Variants in PTPN18 observed in about 807,000 individuals in gnomAD.
The protein encoded by PTPN18 is tyrosine-protein phosphatase non-receptor type 18.
PTPN18 carries 65 observed loss-of-function variants against 65.4 expected under a neutral mutation model. That is an observed-to-expected ratio of 0.99 (90% CI 0.81 to 1.22). PTPN18 has a LOEUF of 1.22. Ranked by LOEUF, PTPN18 falls within the 50% of genes most tolerant of loss-of-function variation. The probability of loss-of-function intolerance (pLI) is 0.00; values close to 1 mark genes in which losing one functional copy is unlikely to be tolerated. For synonymous variants in PTPN18, 255 were observed against 267.8 expected, an observed-to-expected ratio of 0.95 and a Z score of 0.47; for missense variants, 616 against 646.5, an observed-to-expected ratio of 0.95 and a Z score of 0.51.
chr2:130,373,125 C>T lies in PTPN18; in HGVS notation c.1316-32C>T, dbSNP rs373624125. On this transcript the variant is annotated intron_variant, in intron 14 of 14. Coordinates refer to ENST00000175756, the MANE Select transcript of PTPN18 (RefSeq NM_014369.4). The surrounding 1 kb of genome is among the most constrained non-coding windows in gnomAD (Gnocchi z 4.1). ...CCAGCTTCCACACACCTCAGCTTCT[C>T]CATGAGACCCACGGCACCCTTCTTC... is the stretch of plus-strand genomic sequence containing the variant. 8 of 1,556,668 alleles carry T rather than the reference C, an allele frequency of 5.1e-6. No homozygotes were observed. Among genetic ancestry groups the T allele is most frequent in the South Asian group, 1.2e-5 (1 of 82,942 alleles).
rs547741008 is a variant in PTPN18, at chr2:130,372,539, G to C, written c.1240+56G>C. On this transcript the variant is annotated intron_variant, in intron 13 of 14. Transcript: ENST00000175756. ...TCATCCTGCTGTGATCCGCAGGGCGGAACCATCCTGCAGTGGTCCGTCAGG... is the reference window on the plus strand; with the variant it reads ...TCATCCTGCTGTGATCCGCAGGGCGCAACCATCCTGCAGTGGTCCGTCAGG... 5.4e-4 allele frequency: 763 copies of C among 1,403,360 alleles called. 6 individuals carry two copies. In the African/African-American group the frequency reaches 9.2e-3, roughly 17 times the overall value. The allele number at this position is 1,403,360 out of a possible 1,614,324, so 86.9% of individuals were successfully genotyped here. A position where few individuals can be genotyped will look rare whatever the true frequency, so the allele number is the denominator to read the frequency against.
chr2:130,360,409 T>C lies in PTPN18; in HGVS notation c.414+763T>C, dbSNP rs1680154498. 3.3e-5 allele frequency among the ~76,000 whole-genome samples: 5 copies of C among 152,170 alleles called. No homozygotes were observed. The South Asian group carries it at 8.3e-4, about 25-fold the overall frequency. ...GGTTTCTACATTCTTGCCTACTCCA[T>C]GGATGGGGTAGGGGTTCCCTGGGGT... On this transcript the variant is annotated intron_variant, in intron 5 of 14. Coordinates refer to ENST00000175756, the MANE Select transcript of PTPN18 (RefSeq NM_014369.4).
chr2:130,367,991 C>T (rs1680440499), intron 5 of PTPN18, among the ~76,000 whole-genome samples: 1 of 151,806 alleles, frequency 6.6e-6, no homozygotes, highest in Admixed American at 6.6e-5. Context: ...GTTTTCATGT[C>T]TATTGATCCT....
intron 2 of PTPN18, 77 bp downstream of exon 2, chr2:130,359,052 T>TG: frequency 6.7e-7 from 1 of 1,496,910 alleles, no homozygotes; most frequent in Non-Finnish European, 9.2e-7. Context: ...TGCACTGGAG[T>TG]CACCCACTGT....
intron 11 of PTPN18, 109 bp downstream of exon 11, chr2:130,371,073 AC>A: frequency 7.3e-7 from 1 of 1,376,040 alleles, no homozygotes; most frequent in Non-Finnish European, 1.0e-6. Flanking sequence ...ACTGACTATG[AC>A]ATCCACCTGT....
intron 11 of PTPN18, 92 bp from the exon 12 acceptor site, chr2:130,371,107 C>T: frequency 7.2e-7 from 1 of 1,385,744 alleles, no homozygotes; most frequent in South Asian, 1.2e-5. Flanking sequence ...GCATCCTTAT[C>T]AGGCTCTCCC....
chr2:130,370,515 G>A, intron 8 of PTPN18, 42 bp from the exon 9 acceptor site: 2 of 1,609,716 alleles, frequency 1.2e-6, no homozygotes, highest in South Asian at 2.2e-5. Flanking sequence ...AAAAGGGGTT[G>A]TGGTCAGGAC....
intron 1 of PTPN18, among the ~76,000 whole-genome samples, chr2:130,357,753 G>A (rs959025070): frequency 2.0e-5 from 3 of 151,844 alleles, no homozygotes; most frequent in Admixed American, 6.6e-5. Flanking sequence ...CTACTCGGGT[G>A]GCTGAGGCAG....
rs958479470 is a variant in PTPN18, at chr2:130,375,348, A to G, written c.*2124A>G. Reference sequence around the variant, plus strand: ...GGAATAGGGGCATGGGAAAGTGACTAAAGATACTGTTCTGGCTGCTGTGTT... The same window carrying G: ...GGAATAGGGGCATGGGAAAGTGACTGAAGATACTGTTCTGGCTGCTGTGTT... On this transcript the variant is annotated 3_prime_UTR_variant, in exon 15 of 15. Transcript: ENST00000175756. 2.0e-5 allele frequency: 3 copies of G among 152,556 alleles called. No individual in the cohort carries two copies. Among genetic ancestry groups the G allele is most frequent in the Non-Finnish European group, 4.4e-5 (3 of 68,360 alleles). 9.5% of individuals were successfully genotyped at this position (152,556 alleles called of 1,614,324 possible).
chr2:130,360,776 G>T (rs1680167814), intron 5 of PTPN18, among the ~76,000 whole-genome samples: 1 of 151,802 alleles, frequency 6.6e-6, no homozygotes, highest in South Asian at 2.1e-4. Flanking sequence ...TTTTTTCAAA[G>T]AACCTGCTTT....
At position 130,371,287 on chromosome 2, in the gene PTPN18, G is replaced by A. The variant is rs1207755125; in HGVS notation, c.1013G>A (p.Arg338Lys). The A allele has an allele frequency of 1.9e-6, 3 of 1,585,820 alleles. No homozygotes were observed. Among genetic ancestry groups the A allele is most frequent in the Non-Finnish European group, 2.6e-6 (3 of 1,160,820 alleles). The change falls in exon 12 of 15, where the codon AGG (arginine) becomes AAG (lysine). Residue 338 changes from arginine to lysine, a missense_variant and splice_region_variant. This residue lies in a region of PTPN18 where 368 missense variants were observed against 386.7 expected (regional missense o/e 0.95). Transcript: ENST00000175756. ...AIPRPPGGVL[R>K]SISVPGSPGH... ...CCCCGCCCACCAGGAGGGGTCCTCA[G>A]GTACCCGGCTCCATCCCCGGATTCT...
intron 5 of PTPN18, chr2:130,359,955 A>C: frequency 2.4e-6 from 1 of 408,832 alleles, no homozygotes. Flanking sequence ...ACTCCACTCT[A>C]ACAACTCTGG....
At chr2:130,359,137 G>A in intron 2 of PTPN18, 96 bp from the exon 3 acceptor site, 1 of 1,514,298 alleles carries the variant, frequency 6.6e-7, no homozygotes, top group Non-Finnish European at 9.2e-7. Context: ...CTCTGCATGT[G>A]TGTGGTCCCC....
chr2:130,372,280 C>T lies in PTPN18; in HGVS notation c.1037C>T (p.Pro346Leu). 6.4e-7 allele frequency: 1 copy of T among 1,565,222 alleles called. No homozygotes were observed. The highest frequency in any genetic ancestry group is 1.1e-5 in the South Asian group (1 of 87,890). Residue 346 changes from proline (P) to leucine (L), a missense_variant, in exon 13 of 15, where the codon CCG becomes CTG. By Grantham distance (98) the Pro-to-Leu change is moderately conservative (BLOSUM62 -3). Coordinates refer to ENST00000175756, the MANE Select transcript of PTPN18 (RefSeq NM_014369.4). ...AGGAGCATCTCTGTGCCCGGGTCCC[C>T]GGGCCACGCCATGGCTGACACCTAC... Reference protein sequence around the residue: ...VLRSISVPGSPGHAMADTYAV... With the variant: ...VLRSISVPGSLGHAMADTYAV...
At chr2:130,372,009 G>A (rs1680579317) in intron 12 of PTPN18, 5 of 483,190 alleles carry the variant, frequency 1.0e-5, no homozygotes, top group Non-Finnish European at 1.8e-5. Context: ...ACACAGAAAT[G>A]ACCACCCCTC....
chr2:130,359,544 C>T (rs1680124915), intron 4 of PTPN18, 52 bp downstream of exon 4: 3 of 1,612,448 alleles, frequency 1.9e-6, no homozygotes, highest in Non-Finnish European at 2.5e-6. Flanking sequence ...TAAGTACCCC[C>T]TCGGCAGTTT....
intron 1 of PTPN18, 119 bp downstream of exon 1, chr2:130,356,319 C>G: frequency 1.5e-6 from 1 of 677,616 alleles, no homozygotes; most frequent in East Asian, 3.6e-5. Context: ...CTCCCCGCCT[C>G]GGGGGGTCTC....
chr2:130,365,218 A>G (rs1451502445), intron 5 of PTPN18, among the ~76,000 whole-genome samples: 1 of 152,238 alleles, frequency 6.6e-6, no homozygotes, highest in African/African-American at 2.4e-5. Flanking sequence ...GTTTCTACAT[A>G]TGCTCCATTA....
Position 130,371,265 on chromosome 2 carries a change from C to A in PTPN18, c.991C>A (p.Arg331Ser), listed in dbSNP as rs375251896. ...RTPQALLAIP[R>S]PPGGVLRSIS... ...TCCCCAGGCACTTCTCGCCATACCC[C>A]GCCCACCAGGAGGGGTCCTCAGGTA... Residue 331 changes from arginine to serine, a missense_variant, in exon 12 of 15, where the codon CGC (arginine) becomes AGC (serine). This residue lies in a region of PTPN18 where 368 missense variants were observed against 386.7 expected (regional missense o/e 0.95). Transcript: ENST00000175756. The A allele has an allele frequency of 6.2e-7, 1 of 1,606,632 alleles. No individual in the cohort carries two copies. The highest frequency in any genetic ancestry group is 2.2e-5 in the East Asian group (1 of 44,860).
Sources: allele counts gnomAD v4.1 joint callset (sites outside exome capture counted in the v4.1 genomes callset), GRCh38; gene constraint gnomAD v4.1.1; regional missense constraint gnomAD v4.1.1; non-coding constraint Gnocchi (gnomAD v3.1); transcripts MANE v1.5; gene names NCBI Gene and HGNC (gene_info 2026-07-23, HGNC 2026-07-21).